The following INPP4B variants were observed in gnomAD, a reference collection of about 807,000 sequenced individuals.
INPP4B encodes inositol polyphosphate 4-phosphatase type II.
A neutral mutation model predicts 122.5 loss-of-function variants in INPP4B; 55 were observed. That is an observed-to-expected ratio of 0.45 (90% CI 0.36 to 0.56). INPP4B has a LOEUF of 0.56. Ranked by LOEUF, INPP4B falls within the 20% of genes least tolerant of loss-of-function variation. INPP4B has a pLI of 0.00. For missense variants in INPP4B, 1,000 were observed against 1,097.7 expected, an observed-to-expected ratio of 0.91 and a Z score of 1.26; for synonymous variants, 403 against 388.7, an observed-to-expected ratio of 1.04 and a Z score of -0.43.
At chr4:142,640,009 A>T (rs774519089) in intron 2 of INPP4B, among the ~76,000 whole-genome samples, 36 of 152,168 alleles carry the variant, frequency 2.4e-4, no homozygotes, top group Non-Finnish European at 4.0e-4. Flanking sequence ...TTTCTAGCTT[A>T]TCATAATTCA....
intron 24 of INPP4B, among the ~76,000 whole-genome samples, chr4:142,083,101 C>CAAAA (rs33936815): frequency 3.2e-5 from 4 of 126,444 alleles, no homozygotes; most frequent in Admixed American, 8.1e-5. Context: ...CACCCTGTCT[C>CAAAA]AAAAAAAAAA....
At chr4:142,105,777 CT>C (rs1786752704) in intron 23 of INPP4B, among the ~76,000 whole-genome samples, 2 of 152,070 alleles carry the variant, frequency 1.3e-5, no homozygotes, top group Non-Finnish European at 2.9e-5. Context: ...AGAAATTAAC[CT>C]ATCCTTTAAC....
chr4:142,815,264 T>C (rs1414162288), intron 1 of INPP4B, among the ~76,000 whole-genome samples: 1 of 152,114 alleles, frequency 6.6e-6, no homozygotes, highest in African/African-American at 2.4e-5. Flanking sequence ...AACTAAAATA[T>C]AACGTGATGT....
chr4:142,539,850 AC>A (rs1476138219), intron 2 of INPP4B, among the ~76,000 whole-genome samples: 3 of 152,050 alleles, frequency 2.0e-5, no homozygotes, highest in African/African-American at 7.2e-5. Flanking sequence ...ACTTTAGATG[AC>A]TTTTAGAAGT....
At chr4:142,305,981 A>T in intron 8 of INPP4B, 1 of 927,966 alleles carries the variant, frequency 1.1e-6, no homozygotes, top group Non-Finnish European at 1.3e-6. Context: ...TTTATGTGGG[A>T]CTTTGTACAA....
intron 12 of INPP4B, among the ~76,000 whole-genome samples, chr4:142,211,167 G>A (rs1046960428): frequency 6.6e-6 from 1 of 152,142 alleles, no homozygotes; most frequent in African/African-American, 2.4e-5. Context: ...TATGATAAAA[G>A]TGTAATAAAC....
chr4:142,671,831 C>G (rs990827797), intron 2 of INPP4B, among the ~76,000 whole-genome samples: 1 of 152,084 alleles, frequency 6.6e-6, no homozygotes, highest in Non-Finnish European at 1.5e-5. Flanking sequence ...CTAGCTTTAT[C>G]AAGTATATTA....
At chr4:142,637,288 T>C (rs1048709753) in intron 2 of INPP4B, among the ~76,000 whole-genome samples, 1 of 152,162 alleles carries the variant, frequency 6.6e-6, no homozygotes, top group Non-Finnish European at 1.5e-5. Context: ...TATACACCAT[T>C]GTAGTACAGT....
chr4:142,413,493 T>A (rs1485816699), intron 5 of INPP4B, among the ~76,000 whole-genome samples: 2 of 152,202 alleles, frequency 1.3e-5, no homozygotes, highest in African/African-American at 4.8e-5. Context: ...AGTATTCCTA[T>A]CTTGCAATCA....
chr4:142,083,897 T>C (rs908292879), intron 24 of INPP4B, among the ~76,000 whole-genome samples: 4 of 152,142 alleles, frequency 2.6e-5, no homozygotes, highest in South Asian at 4.1e-4. Flanking sequence ...TTCCTTAAAA[T>C]TTATTGTTAC....
chr4:142,514,180 G>A (rs1446432035), intron 2 of INPP4B: 1 of 152,190 alleles, frequency 6.6e-6, no homozygotes, highest in Non-Finnish European at 1.5e-5. Context: ...CTAATTGCCT[G>A]AAACAGACAT....
chr4:142,348,474 C>A (rs1780969601), intron 7 of INPP4B, among the ~76,000 whole-genome samples: 1 of 152,016 alleles, frequency 6.6e-6, no homozygotes, highest in Admixed American at 6.6e-5. Flanking sequence ...CAGCTTCTCC[C>A]TCCTGCCCCT....
At chr4:142,695,952 C>A (rs1282444350) in intron 2 of INPP4B, among the ~76,000 whole-genome samples, 1 of 152,034 alleles carries the variant, frequency 6.6e-6, no homozygotes. Context: ...AAAGGCGGGC[C>A]AGGATAATCC....
chr4:142,700,744 C>T (rs1400864433), intron 2 of INPP4B, among the ~76,000 whole-genome samples: 1 of 152,022 alleles, frequency 6.6e-6, no homozygotes, highest in Non-Finnish European at 1.5e-5. Context: ...AAGTAGGTCA[C>T]ATGACCTTTC....
At chr4:142,705,033 C>A (rs1762291383) in intron 2 of INPP4B, among the ~76,000 whole-genome samples, 2 of 152,130 alleles carry the variant, frequency 1.3e-5, no homozygotes, top group Non-Finnish European at 2.9e-5. Flanking sequence ...CCTTTATCCC[C>A]TTGAAATTCA....
At position 142,676,282 on chromosome 4, in the gene INPP4B, A is replaced by G. The variant is rs9749372; in HGVS notation, c.-191+49557T>C. ...AATAAAATACCTAGGAATACAACTTACAAGGGATGTGAAGGACCTCTTCAA... is the reference window on the plus strand; with the variant it reads ...AATAAAATACCTAGGAATACAACTTGCAAGGGATGTGAAGGACCTCTTCAA... On this transcript the variant is annotated intron_variant, in intron 2 of 25. Transcript: ENST00000262992. Among the ~76,000 whole-genome samples, 1,157 of 152,272 alleles carry G rather than the reference A, an allele frequency of 7.6e-3. 15 individuals are homozygous for G. The highest frequency in any genetic ancestry group is 8.1e-3 in the Non-Finnish European group (550 of 68,022).
chr4:142,357,246 C>G (rs182110357), intron 7 of INPP4B, among the ~76,000 whole-genome samples: 9 of 152,090 alleles, frequency 5.9e-5, no homozygotes, highest in East Asian at 5.8e-4. Context: ...TGTGAATAAT[C>G]TAGGGACCCA....
intron 1 of INPP4B, among the ~76,000 whole-genome samples, chr4:142,751,144 G>A (rs962481049): frequency 2.6e-5 from 4 of 151,942 alleles, no homozygotes; most frequent in Admixed American, 6.6e-5. Context: ...TAAGCTCCAT[G>A]TTAGAACTAT....
At chr4:142,185,605 C>A (rs1256772514) in intron 15 of INPP4B, among the ~76,000 whole-genome samples, 1 of 151,698 alleles carries the variant, frequency 6.6e-6, no homozygotes, top group African/African-American at 2.4e-5. Context: ...CTTGGCCGGG[C>A]GCGGTGGCTC....
Sources: gnomAD v4.1 joint callset for allele counts (sites outside exome capture counted in the v4.1 genomes callset) on GRCh38, gnomAD v4.1.1 for gene constraint, MANE v1.5 for transcripts, NCBI Gene and HGNC (gene_info 2026-07-23, HGNC 2026-07-21) for gene names.